HK1: variants seen among roughly 807,000 people sequenced by gnomAD.
HK1 encodes hexokinase 1.
A neutral mutation model predicts 91.6 loss-of-function variants in HK1; 28 were observed. The ratio of observed to expected loss-of-function variants is 0.31; its 90% CI spans 0.23 to 0.42. The LOEUF (loss-of-function observed/expected upper bound fraction) is 0.42, where lower values mean the gene tolerates loss of function less well. HK1 is among the 10% of genes least tolerant of loss of function. The probability of loss-of-function intolerance (pLI) is 1.00; values close to 1 mark genes in which losing one functional copy is unlikely to be tolerated. For synonymous variants in HK1, 430 were observed against 468.1 expected (o/e 0.92, Z 1.05); for missense variants, 770 against 1,219.8 (o/e 0.63, Z 5.49).
At chr10:69,377,672 T>C (rs956065087) in intron 8 of HK1, among the ~76,000 whole-genome samples, 1 of 152,168 alleles carries the variant, frequency 6.6e-6, no homozygotes, top group Non-Finnish European at 1.5e-5. Context: ...TAAAAAAGAA[T>C]AAGAAGTATA....
At chr10:69,327,630 C>T (rs1404124196) in intron 1 of HK1, among the ~76,000 whole-genome samples, 3 of 152,148 alleles carry the variant, frequency 2.0e-5, no homozygotes, top group East Asian at 1.9e-4. Flanking sequence ...TGCGTTTTCC[C>T]ATATACGAGA....
chr10:69,383,324 C>G (rs1240476511), intron 10 of HK1, among the ~76,000 whole-genome samples: 1 of 152,214 alleles, frequency 6.6e-6, no homozygotes, highest in African/African-American at 2.4e-5. Context: ...ATGAGGCATT[C>G]AGGGCCTGGG....
At chr10:69,312,546 C>CTTTTT (rs1564502629), upstream of HK1, among the ~76,000 whole-genome samples, 1 of 151,224 alleles carries the variant, frequency 6.6e-6, no homozygotes, top group African/African-American at 2.4e-5. Context: ...GCCATATAGC[C>CTTTTT]CTTTTTTTTT....
At chr10:69,274,986 G>T (rs1844361271) in intron 1 of HK1, among the ~76,000 whole-genome samples, 1 of 152,044 alleles carries the variant, frequency 6.6e-6, no homozygotes, top group African/African-American at 2.4e-5. Flanking sequence ...CTTTGGGAGG[G>T]TCCCTTCTGC....
At chr10:69,288,604 T>C (rs1845137750) in intron 2 of HK1, 3 of 803,152 alleles carry the variant, frequency 3.7e-6, no homozygotes, top group Admixed American at 1.7e-5. Context: ...GCTTCCTAAT[T>C]GGTGAGGACA....
chr10:69,324,420 G>A (rs535801990), intron 1 of HK1, among the ~76,000 whole-genome samples: 11 of 151,878 alleles, frequency 7.2e-5, no homozygotes, highest in Non-Finnish European at 1.0e-4. Flanking sequence ...GTGAAACCCC[G>A]TCTCTACTAA....
At position 69,374,712 on chromosome 10, in the gene HK1, A is replaced by AG. The variant is rs531537339; in HGVS notation, c.876-2217dup. Among the ~76,000 whole-genome samples the AG allele has an allele frequency of 2.0e-5, 3 of 152,350 alleles. No individual in the cohort carries two copies. The South Asian group carries it at 6.2e-4, about 32-fold the overall frequency. On this transcript the variant is annotated intron_variant, in intron 7 of 17. Transcript: ENST00000359426. ...CTGGCCGTGGGCCTCTATCTGGAAA[A>AG]GGGGGTATCACTATCCATGTGTGTA...
chr10:69,320,636 A>C (rs955761048), intron 1 of HK1, among the ~76,000 whole-genome samples: 1 of 152,160 alleles, frequency 6.6e-6, no homozygotes, highest in Non-Finnish European at 1.5e-5. Context: ...CCAAGAGTTC[A>C]CTGTCCTCCT....
At position 69,379,982 on chromosome 10, in the gene HK1, C is replaced by T. The variant is rs374591130; in HGVS notation, c.1152C>T (p.Asn384=). ...VCTIVSFRSA[N]LVAATLGAIL... is the part of the protein sequence containing the mutation. The stretch of plus-strand genomic sequence containing the variant: ...CCATTGTCTCATTTCGCTCAGCCAA[C>T]TTGGTGGCTGCCACACTGGGCGCCA... Residue 384 remains asparagine, a synonymous_variant, in exon 9 of 18, where the codon AAC becomes AAT. Transcript: ENST00000359426. 1 of 1,614,090 alleles carries T rather than the reference C, an allele frequency of 6.2e-7. No homozygotes were observed. The highest frequency in any genetic ancestry group is 8.5e-7 in the Non-Finnish European group (1 of 1,180,048).
intron 5 of HK1, among the ~76,000 whole-genome samples, chr10:69,308,647 G>T (rs112972303): frequency 7.2e-5 from 11 of 152,112 alleles, no homozygotes; most frequent in Non-Finnish European, 1.6e-4. Context: ...GCCTGGTTTC[G>T]GGTCTGGTTC....
intron 2 of HK1, among the ~76,000 whole-genome samples, chr10:69,287,363 A>T (rs949084069): frequency 2.6e-5 from 4 of 152,208 alleles, no homozygotes; most frequent in Non-Finnish European, 4.4e-5. Context: ...AACCGCCCCC[A>T]TGATCCAACT....
At chr10:69,384,290 A>G (rs747271151) in intron 10 of HK1, 43 bp from the exon 11 acceptor site, 2 of 1,613,706 alleles carry the variant, frequency 1.2e-6, no homozygotes, top group African/African-American at 2.7e-5. Flanking sequence ...GCCAAGAGGC[A>G]CTTAGCTGTT....
intron 1 of HK1, among the ~76,000 whole-genome samples, chr10:69,343,107 C>A (rs1469624781): frequency 6.6e-6 from 1 of 152,172 alleles, no homozygotes; most frequent in Non-Finnish European, 1.5e-5. Flanking sequence ...GGGGCTGTCT[C>A]CATTCATTGA....
At chr10:69,308,067 G>T (rs1698415298) in intron 5 of HK1, among the ~76,000 whole-genome samples, 1 of 152,118 alleles carries the variant, frequency 6.6e-6, no homozygotes, top group African/African-American at 2.4e-5. Flanking sequence ...TTGAACTCCT[G>T]ACCTCAAGTG....
chr10:69,289,398 G>GC (rs536342028), intron 3 of HK1, among the ~76,000 whole-genome samples: 21 of 149,678 alleles, frequency 1.4e-4, no homozygotes, highest in African/African-American at 4.9e-4. Flanking sequence ...TCTAAGAGAA[G>GC]CCCCCTCTGG....
intron 9 of HK1, among the ~76,000 whole-genome samples, chr10:69,381,764 G>C (rs1418290805): frequency 6.6e-6 from 1 of 152,144 alleles, no homozygotes; most frequent in African/African-American, 2.4e-5. Flanking sequence ...ATGTTGGCCA[G>C]ACTGGTCTTG....
intron 13 of HK1, among the ~76,000 whole-genome samples, chr10:69,386,989 C>A (rs530622014): frequency 6.6e-6 from 1 of 152,082 alleles, no homozygotes; most frequent in East Asian, 1.9e-4. Flanking sequence ...AAGAGAGAAG[C>A]AGCCCCTGAC....
chr10:69,287,346 G>T (rs548547522), intron 2 of HK1, among the ~76,000 whole-genome samples: 3 of 130,250 alleles, frequency 2.3e-5, no homozygotes, highest in Non-Finnish European at 5.0e-5. Flanking sequence ...AAGAACAGCA[G>T]GGGGGGAACC....
upstream of HK1, among the ~76,000 whole-genome samples, chr10:69,316,627 T>C (rs1676836617): frequency 6.6e-6 from 1 of 152,236 alleles, no homozygotes. Context: ...AAACAGGACA[T>C]TTCAGGGTAA....
Sources: allele counts gnomAD v4.1 joint callset (sites outside exome capture counted in the v4.1 genomes callset), GRCh38; gene constraint gnomAD v4.1.1; transcripts MANE v1.5; gene names NCBI Gene and HGNC (gene_info 2026-07-23, HGNC 2026-07-21).